Variants in TTC29 observed in about 807,000 individuals in gnomAD.
TTC29 encodes the protein tetratricopeptide repeat protein 29.
A neutral mutation model predicts 58.1 loss-of-function variants in TTC29; 49 were observed. That is an observed-to-expected ratio of 0.84 (90% confidence interval 0.67 to 1.07). The LOEUF (loss-of-function observed/expected upper bound fraction) is 1.07, where lower values mean the gene tolerates loss of function less well. TTC29 is among the 50% of genes least tolerant of loss of function. The probability of loss-of-function intolerance (pLI) is 0.00; values close to 1 mark genes in which losing one functional copy is unlikely to be tolerated. For missense variants in TTC29, 582 were observed against 555.6 expected, an observed-to-expected ratio of 1.05 and a Z score of -0.48; for synonymous variants, 209 against 196.8, an observed-to-expected ratio of 1.06 and a Z score of -0.52.
intron 7 of TTC29, among the ~76,000 whole-genome samples, chr4:146,869,898 A>G (rs1354964735): frequency 6.6e-6 from 1 of 152,166 alleles, no homozygotes; most frequent in African/African-American, 2.4e-5. Context: ...TAGGATTAAA[A>G]ACAACCAAAA....
chr4:146,713,798 C>G lies in TTC29; in HGVS notation c.1331-6247G>C, dbSNP rs999362947. ...CTGAATAAATGGAATGCAACTAGGCCTGAATGAAGCATTGAAGATACCATA... is the reference window on the plus strand; with the variant it reads ...CTGAATAAATGGAATGCAACTAGGCGTGAATGAAGCATTGAAGATACCATA... On this transcript the variant is annotated intron_variant, in intron 11 of 12. Coordinates refer to ENST00000325106, the MANE Select transcript of TTC29 (RefSeq NM_031956.4). Among the ~76,000 whole-genome samples, 5 of 152,060 alleles carry G rather than the reference C, an allele frequency of 3.3e-5. No homozygotes were observed. The East Asian group carries it at 7.7e-4, about 24-fold the overall frequency.
At chr4:146,757,501 T>C (rs1310621643) in intron 11 of TTC29, among the ~76,000 whole-genome samples, 1 of 152,174 alleles carries the variant, frequency 6.6e-6, no homozygotes, top group Non-Finnish European at 1.5e-5. Flanking sequence ...AATCTTTGCC[T>C]AGGCACACTG....
At chr4:146,753,673 G>A (rs1161302507) in intron 11 of TTC29, among the ~76,000 whole-genome samples, 3 of 152,164 alleles carry the variant, frequency 2.0e-5, no homozygotes, top group Admixed American at 6.5e-5. Flanking sequence ...AACAATGATA[G>A]ACTGGATTAA....
Position 146,833,786 on chromosome 4 carries a change from A to C in TTC29, c.977+20T>G. The C allele has an allele frequency of 6.3e-7, 1 of 1,592,888 alleles. No individual in the cohort carries two copies. The highest frequency in any genetic ancestry group is 8.6e-7 in the Non-Finnish European group (1 of 1,161,248). ...TGAGTGAATTCACAGTGACAGCAAG[A>C]TGAGAATGTGCTAACTTACCTCTGC... On this transcript the variant is annotated intron_variant, in intron 9 of 12. Transcript: ENST00000325106.
At chr4:146,708,351 TATATAC>T (rs1249153331) in intron 11 of TTC29, among the ~76,000 whole-genome samples, 477 of 21,338 alleles carry the variant, frequency 0.022, 25 homozygotes, top group Admixed American at 0.033. Context: ...TATATATATA[TATATAC>T]ACATGTATGT....
intron 11 of TTC29, among the ~76,000 whole-genome samples, chr4:146,795,836 A>G (rs1047083796): frequency 3.3e-5 from 5 of 152,194 alleles, no homozygotes; most frequent in Non-Finnish European, 5.9e-5. Context: ...TTTGCTTCCA[A>G]ATTCTAGCAA....
intron 10 of TTC29, 56 bp from the exon 11 acceptor site, chr4:146,803,741 T>C (rs187108252): frequency 9.3e-6 from 13 of 1,404,188 alleles, no homozygotes; most frequent in African/African-American, 1.4e-5. Flanking sequence ...CCATTTCACA[T>C]ATTTTCTGAC....
chr4:146,762,116 G>A (rs908435278), intron 11 of TTC29, among the ~76,000 whole-genome samples: 1 of 151,490 alleles, frequency 6.6e-6, no homozygotes, highest in Non-Finnish European at 1.5e-5. Flanking sequence ...AGGTTTATTT[G>A]CCTAGTTTTA....
intron 11 of TTC29, among the ~76,000 whole-genome samples, chr4:146,739,646 G>A (rs1383377997): frequency 2.0e-5 from 3 of 152,102 alleles, no homozygotes; most frequent in African/African-American, 4.8e-5. Flanking sequence ...TTGGATATTC[G>A]GAGTGGAGAG....
chr4:146,827,665 G>T (rs1727897877), intron 9 of TTC29, among the ~76,000 whole-genome samples: 1 of 152,118 alleles, frequency 6.6e-6, no homozygotes, highest in Admixed American at 6.5e-5. Flanking sequence ...TTCAAAAATG[G>T]CCACAAGTGG....
Position 146,851,374 on chromosome 4 carries a change from G to A in TTC29, c.885+16124C>T, listed in dbSNP as rs540649545. Among the ~76,000 whole-genome samples the A allele has an allele frequency of 4.6e-5, 7 of 152,252 alleles. No individual in the cohort carries two copies. The East Asian group carries it at 1.4e-3, about 29-fold the overall frequency. ...CAGTCAGGCACTGTGATTCCAAGGG[G>A]CCAACCTCCTAATCACTAGATCAAA... is the stretch of plus-strand genomic sequence containing the variant. On this transcript the variant is annotated intron_variant, in intron 8 of 12. Coordinates refer to ENST00000325106, the MANE Select transcript of TTC29 (RefSeq NM_031956.4).
chr4:146,926,829 T>C (rs1253910127), intron 4 of TTC29, among the ~76,000 whole-genome samples: 6 of 152,176 alleles, frequency 3.9e-5, no homozygotes, highest in African/African-American at 1.4e-4. Flanking sequence ...AAAAAAGTGT[T>C]ATTTTATGTA....
intron 4 of TTC29, among the ~76,000 whole-genome samples, chr4:146,916,111 T>C (rs953848645): frequency 6.6e-6 from 1 of 151,848 alleles, no homozygotes; most frequent in African/African-American, 2.4e-5. Flanking sequence ...TCAGTTAATA[T>C]AATTTCCTTG....
intron 1 of TTC29, 180 bp downstream of exon 1, chr4:146,945,529 A>G (rs549849750): frequency 6.6e-6 from 1 of 152,600 alleles, no homozygotes; most frequent in African/African-American, 2.4e-5. Flanking sequence ...GCCTTTCCCT[A>G]CTTCTCTTTC....
At chr4:146,823,739 A>G (rs1345580916) in intron 9 of TTC29, among the ~76,000 whole-genome samples, 1 of 152,096 alleles carries the variant, frequency 6.6e-6, no homozygotes, top group African/African-American at 2.4e-5. Context: ...ATGGGGATGG[A>G]ATGTTTCTCC....
intron 8 of TTC29, among the ~76,000 whole-genome samples, chr4:146,840,956 ATGTT>A (rs1382423150): frequency 3.3e-5 from 5 of 152,172 alleles, no homozygotes; most frequent in African/African-American, 7.2e-5. Flanking sequence ...CATTCACAGA[ATGTT>A]TGTCTAGTAA....
intron 9 of TTC29, among the ~76,000 whole-genome samples, chr4:146,826,354 T>C (rs1316017067): frequency 6.6e-6 from 1 of 152,214 alleles, no homozygotes; most frequent in Non-Finnish European, 1.5e-5. Flanking sequence ...ATTTTGTTTC[T>C]CATTCACTTA....
At chr4:146,899,698 A>G (rs1238722970) in intron 6 of TTC29, among the ~76,000 whole-genome samples, 1 of 152,144 alleles carries the variant, frequency 6.6e-6, no homozygotes, top group Non-Finnish European at 1.5e-5. Flanking sequence ...CAGTGGGATG[A>G]ACATGACCCT....
chr4:146,784,307 A>G (rs1249596558), intron 11 of TTC29, among the ~76,000 whole-genome samples: 1 of 152,118 alleles, frequency 6.6e-6, no homozygotes, highest in Non-Finnish European at 1.5e-5. Context: ...AATTAAAAAT[A>G]GTAAAATTGT....
Sources: allele counts gnomAD v4.1 joint callset (sites outside exome capture counted in the v4.1 genomes callset), GRCh38; gene constraint gnomAD v4.1.1; transcripts MANE v1.5; gene names NCBI Gene and HGNC (gene_info 2026-07-23, HGNC 2026-07-21).